Variants in KIF15 observed in about 807,000 individuals in gnomAD.
KIF15 encodes the protein kinesin family member 15.
In KIF15, 140 loss-of-function variants were observed where a neutral mutation model predicts 190.6. The observed-to-expected ratio is 0.73, with a 90% CI of 0.64 to 0.84. The LOEUF (loss-of-function observed/expected upper bound fraction) is 0.84, where lower values mean the gene tolerates loss of function less well. Ranked by LOEUF, KIF15 falls within the 40% of genes least tolerant of loss-of-function variation. The pLI is 0.00. For missense variants in KIF15, 1,372 were observed against 1,584.4 expected (o/e 0.87, Z 2.28); for synonymous variants, 528 against 551.3 (o/e 0.96, Z 0.59).
rs775081702 is a variant in KIF15, at chr3:44,801,853, G to A, written c.1388G>A (p.Arg463Gln). The change falls in exon 13 of 35, where the codon CGA becomes CAA. Residue 463 changes from arginine to glutamine, a missense_variant. Coordinates refer to ENST00000326047, the MANE Select transcript of KIF15 (RefSeq NM_020242.3). ...IQSNKMIVKF[R>Q]EDQIIRLEKL... The stretch of plus-strand genomic sequence containing the variant: ...TCTAATAAAATGATTGTGAAATTCC[G>A]AGAGGATCAAATAATACGCTTGGAA... 6.2e-6 allele frequency: 10 copies of A among 1,611,994 alleles called. No individual in the cohort carries two copies. The highest frequency in any genetic ancestry group is 4.5e-5 in the East Asian group (2 of 44,854).
chr3:44,787,458 A>G (rs534812665), intron 7 of KIF15, among the ~76,000 whole-genome samples: 4 of 152,298 alleles, frequency 2.6e-5, no homozygotes, highest in African/African-American at 9.6e-5. Flanking sequence ...ATGATATTTT[A>G]TAATTTATTC....
At chr3:44,839,302 G>A (rs1698477257) in intron 27 of KIF15, among the ~76,000 whole-genome samples, 1 of 152,054 alleles carries the variant, frequency 6.6e-6, no homozygotes. Flanking sequence ...GAACCCGGGA[G>A]GCGGAGCTTG....
chr3:44,857,087 AAAG>A (rs1168348859), downstream of KIF15, among the ~76,000 whole-genome samples: 2 of 152,156 alleles, frequency 1.3e-5, no homozygotes, highest in Non-Finnish European at 2.9e-5. Context: ...GAGGAACAGG[AAAG>A]AAGGAAATAT....
At chr3:44,776,211 G>A (rs1347403228) in intron 3 of KIF15, among the ~76,000 whole-genome samples, 4 of 148,584 alleles carry the variant, frequency 2.7e-5, no homozygotes, top group South Asian at 2.1e-4. Flanking sequence ...TTTTTTCATC[G>A]AACTTTGTAG....
intron 33 of KIF15, 63 bp downstream of exon 33, chr3:44,852,015 C>A: frequency 6.5e-7 from 1 of 1,531,276 alleles, no homozygotes; most frequent in Non-Finnish European, 8.8e-7. Context: ...AACTAATTAG[C>A]GTAAAACTCA....
At chr3:44,789,693 A>ATATAT (rs1706592365) in intron 7 of KIF15, among the ~76,000 whole-genome samples, 2 of 127,764 alleles carry the variant, frequency 1.6e-5, no homozygotes, top group Admixed American at 1.6e-4. Context: ...TATATATATA[A>ATATAT]AATAGATACA....
At chr3:44,841,904 C>T (rs755659733) in intron 29 of KIF15, among the ~76,000 whole-genome samples, 1 of 152,198 alleles carries the variant, frequency 6.6e-6, no homozygotes, top group Non-Finnish European at 1.5e-5. Flanking sequence ...TAAGCATTCT[C>T]TCCTGCCCCA....
In KIF15 at chr3:44,775,428, T is replaced by C; in HGVS notation, c.237T>C (p.Asp79=). The stretch of plus-strand genomic sequence containing the variant: ...CGTTTGATCATGTTGCAGATGTGGA[T>C]ACCACTCAGGTAATGATAATTAGAA... ...TFTFDHVADV[D]TTQESVFATV... Residue 79 remains aspartate, a synonymous_variant, in exon 3 of 35, where the codon GAT becomes GAC. Transcript: ENST00000326047. 6.2e-7 allele frequency: 1 copy of C among 1,605,040 alleles called. No homozygotes were observed. The highest frequency in any genetic ancestry group is 8.5e-7 in the Non-Finnish European group (1 of 1,176,658).
chr3:44,840,655 A>ATT lies in KIF15; in HGVS notation c.3420+227_3420+228dup, dbSNP rs60621752. Reference sequence around the variant, plus strand: ...ATTAGAATAATAAGCTAAGCAGCGGATTTTTTTTTTTTTTTTTTTTTTTTT... The same window carrying ATT: ...ATTAGAATAATAAGCTAAGCAGCGGATTTTTTTTTTTTTTTTTTTTTTTTTTT... On this transcript the variant is annotated intron_variant, in intron 28 of 34. Transcript: ENST00000326047. 1.0e-3 allele frequency among the ~76,000 whole-genome samples: 68 copies of ATT among 67,072 alleles called. 5 individuals are homozygous for ATT. The highest frequency in any genetic ancestry group is 1.6e-3 in the South Asian group (2 of 1,220). The allele number at this position is 67,072 out of a possible 152,430, so 44.0% of individuals were successfully genotyped here. A position where few individuals can be genotyped will look rare whatever the true frequency, so the allele number is the denominator to read the frequency against.
rs1706871182 is a variant in KIF15 at position 44,794,421 on chromosome 3, T to C, written c.844T>C (p.Leu282=). The C allele has an allele frequency of 5.0e-6, 8 of 1,587,468 alleles. No individual in the cohort carries two copies. The highest frequency in any genetic ancestry group is 6.9e-6 in the Non-Finnish European group (8 of 1,165,778). ...AGATACCCATGCAGAAGGGATGAGA[T>C]TGAAGGTAAGAATGAAATTATGGTC... ...QKDTHAEGMR[L]KEAGNINRSL... is the part of the protein sequence containing the mutation. Residue 282 remains leucine, a synonymous_variant, in exon 8 of 35, where the codon TTG becomes CTG. Transcript: ENST00000326047.
intron 1 of KIF15, among the ~76,000 whole-genome samples, chr3:44,771,726 G>T (rs1012441499): frequency 1.3e-5 from 2 of 152,198 alleles, no homozygotes; most frequent in African/African-American, 4.8e-5. Context: ...GCAGATTGGT[G>T]CCTTAAGAGA....
chr3:44,774,539 A>G, intron 2 of KIF15, 102 bp downstream of exon 2: 1 of 1,014,292 alleles, frequency 9.9e-7, no homozygotes, highest in Non-Finnish European at 1.5e-6. Context: ...TCAAAATTTA[A>G]CTTAGTCCTC....
At chr3:44,867,707 T>A (rs1699335911) in intron 6 of KIF15, among the ~76,000 whole-genome samples, 1 of 152,232 alleles carries the variant, frequency 6.6e-6, no homozygotes, top group Non-Finnish European at 1.5e-5. Flanking sequence ...GATGTAAGAT[T>A]TTTTCTAAGA....
downstream of KIF15, among the ~76,000 whole-genome samples, chr3:44,856,578 A>G (rs758392848): frequency 7.2e-5 from 11 of 152,122 alleles, no homozygotes; most frequent in Non-Finnish European, 1.3e-4. Flanking sequence ...TCAGTGGGAA[A>G]GTAGGTGGGA....
rs1224649201 is a variant in KIF15 at position 44,826,429 on chromosome 3, C to T, written c.2755C>T (p.Gln919Ter). The change falls in exon 22 of 35, where the codon CAG becomes TAG. Residue 919 changes from glutamine to a stop codon, truncating the protein, a stop_gained. Coordinates refer to ENST00000326047, the MANE Select transcript of KIF15 (RefSeq NM_020242.3). LOFTEE classifies it high-confidence loss of function. The part of the protein sequence containing the change: ...EKERNNKLSL[Q>*]FEEDKENSSK... ...AGAACGCAATAACAAATTATCATTA[C>T]AGTTTGAAGAAGATAAAGAAAACAG... is the stretch of plus-strand genomic sequence containing the variant. The T allele has an allele frequency of 6.2e-6, 10 of 1,612,426 alleles. No homozygotes were observed. The highest frequency in any genetic ancestry group is 8.5e-6 in the Non-Finnish European group (10 of 1,178,914).
In KIF15 at chr3:44,853,002, A is replaced by T. The variant is rs562573771; in HGVS notation, c.*267A>T. ...AAACCTTTTGTCTTTGTAAAAATAAAAGCCTGTAGCTAAGGTTTACAGTGG... is the reference window on the plus strand; with the variant it reads ...AAACCTTTTGTCTTTGTAAAAATAATAGCCTGTAGCTAAGGTTTACAGTGG... On this transcript the variant is annotated 3_prime_UTR_variant, in exon 35 of 35. Coordinates refer to ENST00000326047, the MANE Select transcript of KIF15 (RefSeq NM_020242.3). 1.9e-5 allele frequency: 5 copies of T among 261,278 alleles called. No homozygotes were observed. In the South Asian group the frequency reaches 6.3e-4, roughly 33 times the overall value. 16.2% of individuals were successfully genotyped at this position (261,278 alleles called of 1,614,324 possible). A position where few individuals can be genotyped will look rare whatever the true frequency, so the allele number is the denominator to read the frequency against.
In KIF15 at chr3:44,831,959, C is replaced by T. The variant is rs553771619; in HGVS notation, c.3171+941C>T. On this transcript the variant is annotated intron_variant, in intron 26 of 34. Coordinates refer to ENST00000326047, the MANE Select transcript of KIF15 (RefSeq NM_020242.3). ...ACAAATTCAACAAATATTGAATCCA[C>T]CTACTATACAACCTGTACCCGGCCT... Among the ~76,000 whole-genome samples, 21 of 152,232 alleles carry T rather than the reference C, an allele frequency of 1.4e-4. No homozygotes were observed. In the East Asian group the frequency reaches 2.7e-3, roughly 20 times the overall value.
chr3:44,829,428 A>G (rs573189654), intron 24 of KIF15, among the ~76,000 whole-genome samples: 17 of 139,108 alleles, frequency 1.2e-4, no homozygotes, highest in Admixed American at 4.0e-4. Context: ...TGTATATATA[A>G]TATATATGTA....
At chr3:44,768,094 T>C (rs950248943) in intron 1 of KIF15, among the ~76,000 whole-genome samples, 1 of 151,088 alleles carries the variant, frequency 6.6e-6, no homozygotes, top group African/African-American at 2.4e-5. Context: ...GCCAACATGG[T>C]GAAACACCGT....
Sources: gnomAD v4.1 joint callset for allele counts (sites outside exome capture counted in the v4.1 genomes callset) on GRCh38, gnomAD v4.1.1 for gene constraint, MANE v1.5 for transcripts, NCBI Gene and HGNC (gene_info 2026-07-23, HGNC 2026-07-21) for gene names.